USP34: variants seen among roughly 807,000 people sequenced by gnomAD.
The protein encoded by USP34 is ubiquitin specific peptidase 34, also known as ubiquitin carboxyl-terminal hydrolase 34.
In USP34, 70 loss-of-function variants were observed where a neutral mutation model predicts 460.3. The observed-to-expected ratio is 0.15, with a 90% confidence interval of 0.13 to 0.19. USP34 has a LOEUF of 0.19. Among genes scored for constraint, USP34 ranks in the 10% least tolerant of loss-of-function variants. The pLI is 1.00. For missense variants in USP34, 3,985 were observed against 4,236.2 expected (o/e 0.94, Z 1.65); for synonymous variants, 1,647 against 1,405.3 (o/e 1.17, Z -3.85).
At chr2:61,418,914 T>C (rs555436819) in intron 2 of USP34, among the ~76,000 whole-genome samples, 235 of 152,360 alleles carry the variant, frequency 1.5e-3, no homozygotes, top group Non-Finnish European at 2.8e-3. Context: ...TTAGCTTTCA[T>C]ACTTTAGCTT....
At chr2:61,252,498 C>CA (rs1201541996) in intron 48 of USP34, among the ~76,000 whole-genome samples, 5 of 152,112 alleles carry the variant, frequency 3.3e-5, no homozygotes, top group African/African-American at 1.2e-4. Context: ...CAAAAATATA[C>CA]AAACTCTGAT....
rs186254845 is a variant in USP34, at chr2:61,346,059, C to T, written c.2285+1811G>A. ...GCTGGAGCTTACCCTTTTAAATACCCTAAAATTAGATGTGTAAAATTTCCC... is the reference window on the plus strand; with the variant it reads ...GCTGGAGCTTACCCTTTTAAATACCTTAAAATTAGATGTGTAAAATTTCCC... On this transcript the variant is annotated intron_variant, in intron 15 of 79. Transcript: ENST00000398571. 8.6e-4 allele frequency among the ~76,000 whole-genome samples: 131 copies of T among 152,236 alleles called. 1 individual carries two copies. The highest frequency in any genetic ancestry group is 2.7e-3 in the Admixed American group (41 of 15,282).
chr2:61,342,998 C>A (rs1691652964), intron 16 of USP34, among the ~76,000 whole-genome samples: 1 of 152,136 alleles, frequency 6.6e-6, no homozygotes, highest in Non-Finnish European at 1.5e-5. Flanking sequence ...TTAACCTAGA[C>A]AGATCATGTA....
intron 1 of USP34, among the ~76,000 whole-genome samples, chr2:61,461,803 A>G (rs1211643019): frequency 6.6e-6 from 1 of 152,272 alleles, no homozygotes; most frequent in Non-Finnish European, 1.5e-5. Context: ...TTGACACAGT[A>G]AACTCACGTC....
chr2:61,470,259 G>A (rs985669394), intron 1 of USP34, among the ~76,000 whole-genome samples: 5 of 152,190 alleles, frequency 3.3e-5, no homozygotes, highest in African/African-American at 4.8e-5. Flanking sequence ...GCGGCCGGAG[G>A]ATTTGGACTG....
At chr2:61,417,250 C>G in intron 2 of USP34, 1 of 1,291,830 alleles carries the variant, frequency 7.7e-7, no homozygotes, top group Non-Finnish European at 1.1e-6. Flanking sequence ...AAAGGCCTGT[C>G]TCCAAGGTCC....
intron 53 of USP34, among the ~76,000 whole-genome samples, chr2:61,240,335 G>A (rs1029384138): frequency 6.6e-6 from 1 of 152,190 alleles, no homozygotes; most frequent in East Asian, 1.9e-4. Flanking sequence ...TGTTGCCCAG[G>A]ATGGAGTGCA....
intron 1 of USP34, among the ~76,000 whole-genome samples, chr2:61,426,608 C>A (rs1157926540): frequency 6.6e-6 from 1 of 152,214 alleles, no homozygotes; most frequent in African/African-American, 2.4e-5. Context: ...GACAACACTT[C>A]TGGACCCACC....
At chr2:61,228,593 A>G in intron 61 of USP34, 52 bp downstream of exon 61, 1 of 1,541,264 alleles carries the variant, frequency 6.5e-7, no homozygotes, top group African/African-American at 1.4e-5. Flanking sequence ...CACGATGCAA[A>G]CTATGAAAAC....
chr2:61,223,399 T>A, intron 62 of USP34, 103 bp from the exon 63 acceptor site: 2 of 1,119,190 alleles, frequency 1.8e-6, no homozygotes, highest in Non-Finnish European at 2.5e-6. Context: ...ATAATTGTAT[T>A]AACCTGCCAT....
intron 48 of USP34, among the ~76,000 whole-genome samples, chr2:61,250,967 T>C (rs1247008789): frequency 1.3e-5 from 2 of 152,078 alleles, no homozygotes. Flanking sequence ...TGAAACCCCG[T>C]GTCTACTAAA....
intron 10 of USP34, among the ~76,000 whole-genome samples, chr2:61,356,286 A>G (rs543411857): frequency 2.3e-3 from 352 of 152,278 alleles, no homozygotes; most frequent in African/African-American, 7.2e-3. Context: ...CCAGGAAATC[A>G]AGACTAGCCA....
Position 61,293,476 on chromosome 2 carries a change from T to A in USP34, c.4536A>T (p.Glu1512Asp), listed in dbSNP as rs763408409. Residue 1512 changes from glutamate (E) to aspartate (D), a missense_variant, in exon 33 of 80, where the codon GAA (glutamate) becomes GAT (aspartate). Around this residue, in one of 14 missense-constraint regions of USP34, gnomAD observed 1,114 missense variants for 1,122.5 expected, o/e 0.99. Coordinates refer to ENST00000398571, the MANE Select transcript of USP34 (RefSeq NM_014709.4). ...NSGILEPKEQ[E>D]SWTVWQLDCL... ...AATATGCACTTACCACAGTCCATGATTCCTGCTCTTTAGGCTCTAGAATTC... is the reference window on the plus strand; with the variant it reads ...AATATGCACTTACCACAGTCCATGAATCCTGCTCTTTAGGCTCTAGAATTC... 8.7e-6 allele frequency: 14 copies of A among 1,612,670 alleles called. 1 individual carries two copies. In the South Asian group the frequency reaches 1.5e-4, roughly 18 times the overall value.
Position 61,283,697 on chromosome 2 carries a change from GCCTTGA to G in USP34, c.4833-254_4833-249del, listed in dbSNP as rs563650189. ...AGTGGCATGATCATGGCTCACTGCA[GCCTTGA>G]CCTTCCAGGCTCAAGCAACCCTCCC... On this transcript the variant is annotated intron_variant, in intron 35 of 79. Transcript: ENST00000398571. 3.3e-3 allele frequency among the ~76,000 whole-genome samples: 504 copies of G among 152,126 alleles called. 1 individual carries two copies. Among genetic ancestry groups the G allele is most frequent in the South Asian group, 8.9e-3 (43 of 4,814 alleles).
chr2:61,224,088 T>C (rs1687664908), intron 62 of USP34, among the ~76,000 whole-genome samples: 2 of 152,238 alleles, frequency 1.3e-5, no homozygotes, highest in South Asian at 4.1e-4. Context: ...TTCCGCACTG[T>C]CATACAATAT....
intron 53 of USP34, among the ~76,000 whole-genome samples, chr2:61,236,786 G>A (rs897288449): frequency 6.6e-6 from 1 of 152,126 alleles, no homozygotes; most frequent in African/African-American, 2.4e-5. Flanking sequence ...TAAATCAGAC[G>A]TGATTTGTTT....
chr2:61,420,738 A>G lies in USP34; in HGVS notation c.131+8T>C. 6.3e-7 allele frequency: 1 copy of G among 1,589,688 alleles called. No homozygotes were observed. Among genetic ancestry groups the G allele is most frequent in the Non-Finnish European group, 8.5e-7 (1 of 1,169,912 alleles). On this transcript the variant is annotated splice_region_variant and intron_variant, in intron 2 of 79. Transcript: ENST00000398571. ...AAATTAGTCTTCGAAATACCTAAAG[A>G]TGCATACCTCTGTGTCCAGGAATTG...
chr2:61,430,279 C>T (rs766701904), intron 1 of USP34, among the ~76,000 whole-genome samples: 4 of 151,786 alleles, frequency 2.6e-5, no homozygotes, highest in Non-Finnish European at 5.9e-5. Flanking sequence ...TGGCACATGC[C>T]CATAATCCCA....
Position 61,248,661 on chromosome 2 carries a change from G to A in USP34, c.6244C>T (p.Arg2082Cys), listed in dbSNP as rs200455302. Residue 2082 changes from arginine (R) to cysteine (C), a missense_variant, in exon 49 of 80, where the codon CGC (arginine) becomes TGC (cysteine). By Grantham distance (180) the Arg-to-Cys change is radical (BLOSUM62 -3). Around this residue, in one of 14 missense-constraint regions of USP34, gnomAD observed 145 missense variants for 291.6 expected, o/e 0.50. Coordinates refer to ENST00000398571, the MANE Select transcript of USP34 (RefSeq NM_014709.4). ...CTCATAGTATTGAAACTCAAAATGC[G>A]AGGCAATTTCTTAAAACATGCCCTG... ...EKRACFKKLP[R>C]ILSFNTMRYT... 96 of 1,562,936 alleles carry A rather than the reference G, an allele frequency of 6.1e-5. 1 individual carries two copies. Among genetic ancestry groups the A allele is most frequent in the Admixed American group, 5.7e-4 (31 of 54,142 alleles).
Sources: allele counts gnomAD v4.1 joint callset (sites outside exome capture counted in the v4.1 genomes callset), GRCh38; gene constraint gnomAD v4.1.1; regional missense constraint gnomAD v4.1.1; transcripts MANE v1.5; gene names NCBI Gene and HGNC (gene_info 2026-07-23, HGNC 2026-07-21).